PIK3CB: variants seen among roughly 807,000 people sequenced by gnomAD.
PIK3CB encodes phosphatidylinositol-4,5-bisphosphate 3-kinase catalytic subunit beta.
Under a neutral mutation model 136.8 loss-of-function variants are expected in PIK3CB, and 39 were observed. The observed-to-expected ratio is 0.29, with a 90% CI of 0.22 to 0.37. The LOEUF (loss-of-function observed/expected upper bound fraction) is 0.37, where lower values mean the gene tolerates loss of function less well. Ranked by LOEUF, PIK3CB falls within the 10% of genes least tolerant of loss-of-function variation. The pLI is 1.00. For missense variants in PIK3CB, 868 were observed against 1,275.4 expected (o/e 0.68, Z 4.87); for synonymous variants, 428 against 436.6 (o/e 0.98, Z 0.25).
chr3:138,670,876 C>A (rs560000493), intron 19 of PIK3CB, among the ~76,000 whole-genome samples: 1 of 152,254 alleles, frequency 6.6e-6, no homozygotes, highest in East Asian at 1.9e-4. Flanking sequence ...ATCACAGCTA[C>A]AATCCCAAAT....
intron 12 of PIK3CB, among the ~76,000 whole-genome samples, chr3:138,701,049 T>C (rs555325046): frequency 8.7e-4 from 133 of 152,254 alleles, no homozygotes; most frequent in African/African-American, 3.1e-3. Flanking sequence ...TATTGCCTCC[T>C]GATAAAATGC....
chr3:138,810,922 A>AAAATAAAT (rs533682097), intron 1 of PIK3CB, among the ~76,000 whole-genome samples: 1 of 151,300 alleles, frequency 6.6e-6, no homozygotes, highest in Non-Finnish European at 1.5e-5. Context: ...TCCGTCTCAA[A>AAAATAAAT]AAATAAATAA....
At position 138,830,320 on chromosome 3, in the gene PIK3CB, TG is replaced by T. The variant is rs567376052; in HGVS notation, c.-122+4374del. 1.4e-4 allele frequency among the ~76,000 whole-genome samples: 21 copies of T among 152,106 alleles called. No homozygotes were observed. In the South Asian group the frequency reaches 2.7e-3, roughly 20 times the overall value. ...ATCCCAGCACTTTGGAAGGACGAGG[TG>T]GGCGGATCACCTGAGGTTAGGAGTT... On this transcript the variant is annotated intron_variant, in intron 1 of 23. Coordinates refer to ENST00000674063, the MANE Select transcript of PIK3CB (RefSeq NM_006219.3).
intron 1 of PIK3CB, among the ~76,000 whole-genome samples, chr3:138,806,017 C>T (rs2046230528): frequency 6.6e-6 from 1 of 151,972 alleles, no homozygotes; most frequent in African/African-American, 2.4e-5. Context: ...CATGAGCCAC[C>T]GCGCCCGGCC....
chr3:138,813,487 A>G (rs1933168958), intron 1 of PIK3CB, among the ~76,000 whole-genome samples: 1 of 144,392 alleles, frequency 6.9e-6, no homozygotes, highest in Non-Finnish European at 1.5e-5. Context: ...GCTGAAGTGC[A>G]GTGGCACGAT....
At chr3:138,819,064 C>G (rs549098766) in intron 1 of PIK3CB, among the ~76,000 whole-genome samples, 5 of 152,210 alleles carry the variant, frequency 3.3e-5, no homozygotes, top group African/African-American at 1.2e-4. Flanking sequence ...AACATCACTA[C>G]CGGGCCGGGC....
chr3:138,705,789 G>A (rs898706264), intron 11 of PIK3CB, among the ~76,000 whole-genome samples: 4 of 152,104 alleles, frequency 2.6e-5, no homozygotes, highest in African/African-American at 9.7e-5. Context: ...GTCTCTCTCT[G>A]TTGCCCAGGC....
intron 11 of PIK3CB, among the ~76,000 whole-genome samples, chr3:138,705,409 T>C (rs2044360264): frequency 6.6e-6 from 1 of 151,916 alleles, no homozygotes; most frequent in African/African-American, 2.4e-5. Flanking sequence ...CATAAACGTA[T>C]TGGATGAGTC....
intron 1 of PIK3CB, among the ~76,000 whole-genome samples, chr3:138,823,633 T>G (rs984477401): frequency 6.6e-6 from 1 of 151,720 alleles, no homozygotes; most frequent in Non-Finnish European, 1.5e-5. Flanking sequence ...AACCAGGGAG[T>G]CAGAGGTTGC....
intron 2 of PIK3CB, among the ~76,000 whole-genome samples, chr3:138,777,670 C>A (rs1001963736): frequency 6.6e-6 from 1 of 152,084 alleles, no homozygotes; most frequent in African/African-American, 2.4e-5. Context: ...TTTGTTACAG[C>A]AATATATCAT....
At chr3:138,711,493 C>T (rs958492785) in intron 10 of PIK3CB, among the ~76,000 whole-genome samples, 2 of 143,058 alleles carry the variant, frequency 1.4e-5, no homozygotes, top group Non-Finnish European at 3.0e-5. Context: ...GCAGGAGAAT[C>T]GCTTGAACCT....
intron 14 of PIK3CB, 53 bp downstream of exon 14, chr3:138,694,733 C>A: frequency 6.3e-7 from 1 of 1,593,122 alleles, no homozygotes; most frequent in Non-Finnish European, 8.6e-7. Flanking sequence ...ACCCTCATCC[C>A]AAACCCACCC....
intron 9 of PIK3CB, among the ~76,000 whole-genome samples, chr3:138,714,107 A>G (rs2044560334): frequency 6.6e-6 from 1 of 152,184 alleles, no homozygotes; most frequent in South Asian, 2.1e-4. Flanking sequence ...TCTTAAACAT[A>G]TCTGTCACAT....
chr3:138,762,448 T>A (rs1256518522), intron 2 of PIK3CB, among the ~76,000 whole-genome samples: 2 of 152,052 alleles, frequency 1.3e-5, no homozygotes, highest in African/African-American at 4.8e-5. Flanking sequence ...TATGGAAAGG[T>A]CTCTATACTC....
At chr3:138,718,368 TG>T (rs1183498169) in intron 8 of PIK3CB, among the ~76,000 whole-genome samples, 2 of 150,798 alleles carry the variant, frequency 1.3e-5, no homozygotes, top group East Asian at 3.8e-4. Flanking sequence ...CCACTTTTAA[TG>T]TTTTTTTTCT....
chr3:138,807,295 G>A (rs1379672888), intron 1 of PIK3CB, among the ~76,000 whole-genome samples: 2 of 152,078 alleles, frequency 1.3e-5, no homozygotes, highest in African/African-American at 4.8e-5. Context: ...TTAGCCAGGT[G>A]TGGTGGCACA....
At chr3:138,700,628 C>T (rs1315158643) in intron 12 of PIK3CB, among the ~76,000 whole-genome samples, 1 of 151,930 alleles carries the variant, frequency 6.6e-6, no homozygotes, top group African/African-American at 2.4e-5. Context: ...TTCAAGGCTG[C>T]AGTGAGCTAT....
chr3:138,800,780 A>G (rs2046165328), intron 1 of PIK3CB, among the ~76,000 whole-genome samples: 3 of 151,814 alleles, frequency 2.0e-5, no homozygotes, highest in African/African-American at 7.3e-5. Context: ...GTGTGCCACC[A>G]CGCCCAGCTA....
chr3:138,708,907 T>C (rs572472613), intron 10 of PIK3CB, among the ~76,000 whole-genome samples: 17 of 152,236 alleles, frequency 1.1e-4, no homozygotes, highest in African/African-American at 3.9e-4. Context: ...ATAGAGGTAA[T>C]CCTTTAGCCT....
Sources: gnomAD v4.1 joint callset for allele counts (sites outside exome capture counted in the v4.1 genomes callset) on GRCh38, gnomAD v4.1.1 for gene constraint, MANE v1.5 for transcripts, NCBI Gene and HGNC (gene_info 2026-07-23, HGNC 2026-07-21) for gene names.